TRRAP: variants seen among roughly 807,000 people sequenced by gnomAD.
TRRAP encodes transformation/transcription domain-associated protein.
Under a neutral mutation model 438.8 loss-of-function variants are expected in TRRAP, and 41 were observed. The ratio of observed to expected loss-of-function variants is 0.09; its 90% CI spans 0.07 to 0.12. The LOEUF (loss-of-function observed/expected upper bound fraction) is 0.12. Among genes scored for constraint, TRRAP ranks in the 10% least tolerant of loss-of-function variants. TRRAP has a pLI of 1.00. For synonymous variants in TRRAP, 1,994 were observed against 1,962.9 expected, an observed-to-expected ratio of 1.02 and a Z score of -0.42; for missense variants, 3,122 against 5,055.1, an observed-to-expected ratio of 0.62 and a Z score of 11.60.
At chr7:98,979,820 C>T (rs1167326315) in intron 58 of TRRAP, among the ~76,000 whole-genome samples, 1 of 152,142 alleles carries the variant, frequency 6.6e-6, no homozygotes, top group Non-Finnish European at 1.5e-5. Context: ...AGTAAACATC[C>T]TGGGTAATCT....
In TRRAP at chr7:98,981,777, G is replaced by T; in HGVS notation, c.8643G>T (p.Val2881=). Residue 2881 remains valine (V), a synonymous_variant, in exon 59 of 73, where the codon GTG becomes GTT. Transcript: ENST00000456197. ...CGTTCTTTCACTGCCAGGTGGAAGTGAGCTGTCCGAAGGAGATGGCCTGGA... is the reference window on the plus strand; with the variant it reads ...CGTTCTTTCACTGCCAGGTGGAAGTTAGCTGTCCGAAGGAGATGGCCTGGA... ...AMKEALVQVE[V]SCPKEMAWKV... 1 of 1,600,038 alleles carries T rather than the reference G, an allele frequency of 6.2e-7. No individual in the cohort carries two copies. Among genetic ancestry groups the T allele is most frequent in the Admixed American group, 1.7e-5 (1 of 57,994 alleles).
chr7:98,913,120 G>A (rs1392616280), intron 18 of TRRAP, among the ~76,000 whole-genome samples: 3 of 148,456 alleles, frequency 2.0e-5, no homozygotes, highest in Admixed American at 1.3e-4. Flanking sequence ...CTTCCAGCCC[G>A]CCCCAGAGTC....
chr7:98,932,502 T>A (rs890246029), intron 26 of TRRAP, among the ~76,000 whole-genome samples: 3 of 152,118 alleles, frequency 2.0e-5, no homozygotes, highest in Non-Finnish European at 4.4e-5. Context: ...AATTAAAAAA[T>A]TTTTTTCCAG....
At chr7:99,006,041 G>A (rs369792575) in intron 69 of TRRAP, among the ~76,000 whole-genome samples, 3 of 152,288 alleles carry the variant, frequency 2.0e-5, no homozygotes, top group South Asian at 4.1e-4. Context: ...TGCAGGACTC[G>A]GGAAAGTCTA....
At chr7:98,959,262 C>G in intron 44 of TRRAP, 82 bp from the exon 45 acceptor site, 1 of 1,563,760 alleles carries the variant, frequency 6.4e-7, no homozygotes, top group Non-Finnish European at 8.7e-7. Flanking sequence ...AGGGCCAGGG[C>G]ACAGTTGAGA....
intron 30 of TRRAP, among the ~76,000 whole-genome samples, chr7:98,942,064 T>C (rs868924666): frequency 5.3e-5 from 8 of 152,234 alleles, no homozygotes; most frequent in South Asian, 2.1e-4. Context: ...AATGCTCTTC[T>C]TGTGGTTTTA....
At chr7:98,881,671 A>G (rs782786929) in intron 2 of TRRAP, 30 of 340,104 alleles carry the variant, frequency 8.8e-5, no homozygotes, top group Middle Eastern at 3.5e-4. Context: ...TTTTATTCTC[A>G]TTTTCCTTTT....
intron 70 of TRRAP, among the ~76,000 whole-genome samples, chr7:99,009,295 G>C (rs1003553890): frequency 1.3e-5 from 2 of 152,276 alleles, no homozygotes; most frequent in African/African-American, 4.8e-5. Context: ...CCAAGAAGGA[G>C]AGACCACAGA....
In TRRAP at chr7:98,974,314, CTA is replaced by C. The variant is rs1792549229; in HGVS notation, c.7840-1834_7840-1833del. 2.6e-5 allele frequency among the ~76,000 whole-genome samples: 4 copies of C among 152,304 alleles called. 1 individual carries two copies. The South Asian group carries it at 8.3e-4, about 32-fold the overall frequency. Reference sequence around the variant, plus strand: ...TGATGTTCTCCTTCCTGGAGCTCCTCTACCCTGTGAAGTGGTCAGGTGCCACC... The same window carrying C: ...TGATGTTCTCCTTCCTGGAGCTCCTCCCCTGTGAAGTGGTCAGGTGCCACC... On this transcript the variant is annotated intron_variant, in intron 53 of 72. Coordinates refer to ENST00000456197, the MANE Select transcript of TRRAP (RefSeq NM_001375524.1).
At chr7:98,885,852 C>T (rs1167422855) in intron 3 of TRRAP, among the ~76,000 whole-genome samples, 9 of 152,164 alleles carry the variant, frequency 5.9e-5, no homozygotes, top group East Asian at 1.9e-4. Context: ...TGTGGACATA[C>T]GGCTATCTGG....
At chr7:98,960,013 C>T (rs1323355163) in intron 45 of TRRAP, among the ~76,000 whole-genome samples, 1 of 151,264 alleles carries the variant, frequency 6.6e-6, no homozygotes, top group Non-Finnish European at 1.5e-5. Context: ...CTGGCCCCAA[C>T]TACACGTAGG....
chr7:98,986,984 C>T (rs1471575813), intron 62 of TRRAP, among the ~76,000 whole-genome samples: 1 of 152,128 alleles, frequency 6.6e-6, no homozygotes, highest in East Asian at 1.9e-4. Flanking sequence ...TCTTGACACC[C>T]TCATCAAAAA....
At chr7:98,932,356 G>A (rs928092907) in intron 26 of TRRAP, among the ~76,000 whole-genome samples, 4 of 152,088 alleles carry the variant, frequency 2.6e-5, no homozygotes, top group East Asian at 1.9e-4. Context: ...CTCATGATCC[G>A]CCTGCTTTGG....
At chr7:98,954,392 G>A (rs1554419001) in intron 40 of TRRAP, among the ~76,000 whole-genome samples, 1 of 152,236 alleles carries the variant, frequency 6.6e-6, no homozygotes, top group Admixed American at 6.5e-5. Flanking sequence ...GTCTTTGACA[G>A]CTTTCCCCTG....
At chr7:98,888,067 A>G (rs1433489259) in intron 3 of TRRAP, among the ~76,000 whole-genome samples, 1 of 152,084 alleles carries the variant, frequency 6.6e-6, no homozygotes, top group African/African-American at 2.4e-5. Flanking sequence ...CGTCTCTACC[A>G]AAAATACAAA....
At chr7:98,915,380 C>A (rs549659162) in intron 18 of TRRAP, among the ~76,000 whole-genome samples, 1 of 151,944 alleles carries the variant, frequency 6.6e-6, no homozygotes, top group South Asian at 2.1e-4. Flanking sequence ...TTAGTAGAGA[C>A]GGGGTTTCAC....
In TRRAP at chr7:98,982,830, G is replaced by C. The variant is rs185302492; in HGVS notation, c.8827-434G>C. 5.2e-4 allele frequency among the ~76,000 whole-genome samples: 79 copies of C among 152,316 alleles called. 1 individual carries two copies. Among genetic ancestry groups the C allele is most frequent in the Admixed American group, 4.2e-3 (65 of 15,310 alleles). The stretch of plus-strand genomic sequence containing the variant: ...ACGTTTGCAGGTGCTTAGTGTGGCT[G>C]TGGGGTTTAGCAGGCACGTTGGGAA... On this transcript the variant is annotated intron_variant, in intron 59 of 72. Coordinates refer to ENST00000456197, the MANE Select transcript of TRRAP (RefSeq NM_001375524.1).
At chr7:98,923,579 A>G (rs1789899792) in intron 21 of TRRAP, among the ~76,000 whole-genome samples, 1 of 152,244 alleles carries the variant, frequency 6.6e-6, no homozygotes, top group South Asian at 2.1e-4. Flanking sequence ...ATTCTGAAAA[A>G]TAAAATTTTA....
chr7:98,926,669 A>G (rs1790059846), intron 22 of TRRAP, among the ~76,000 whole-genome samples: 1 of 152,176 alleles, frequency 6.6e-6, no homozygotes, highest in Admixed American at 6.5e-5. Context: ...CAAGAAAATG[A>G]TAATTCGTGA....
Sources: gnomAD v4.1 joint callset for allele counts (sites outside exome capture counted in the v4.1 genomes callset) on GRCh38, gnomAD v4.1.1 for gene constraint, MANE v1.5 for transcripts, NCBI Gene and HGNC (gene_info 2026-07-23, HGNC 2026-07-21) for gene names.